The following TNIK variants were observed in gnomAD, a reference collection of about 807,000 sequenced individuals.
TNIK encodes TRAF2 and NCK interacting kinase, also known as TRAF2 and NCK-interacting protein kinase.
Under a neutral mutation model 191.3 loss-of-function variants are expected in TNIK, and 49 were observed. That is an observed-to-expected ratio of 0.26 (90% CI 0.20 to 0.32). TNIK has a LOEUF of 0.32. TNIK is among the 10% of genes least tolerant of loss of function. The pLI is 1.00. For synonymous variants in TNIK, 594 were observed against 600.9 expected, an observed-to-expected ratio of 0.99 and a Z score of 0.17; for missense variants, 1,155 against 1,702.3, an observed-to-expected ratio of 0.68 and a Z score of 5.66.
chr3:171,114,788 CTA>C (rs564867115), intron 18 of TNIK, among the ~76,000 whole-genome samples: 124 of 152,226 alleles, frequency 8.1e-4, no homozygotes, highest in Middle Eastern at 6.8e-3. Flanking sequence ...TGTGAAGTAA[CTA>C]TTTTTATGAC....
chr3:171,135,547 G>A (rs575175089), intron 15 of TNIK, among the ~76,000 whole-genome samples: 17 of 152,306 alleles, frequency 1.1e-4, no homozygotes, highest in Admixed American at 5.2e-4. Flanking sequence ...AACAGACAAC[G>A]GTTAGTTGGA....
At chr3:171,129,832 C>CT (rs1024263005) in intron 15 of TNIK, among the ~76,000 whole-genome samples, 1 of 152,200 alleles carries the variant, frequency 6.6e-6, no homozygotes, top group Non-Finnish European at 1.5e-5. Flanking sequence ...TAAAGAGAAA[C>CT]TTAGATAAAC....
intron 7 of TNIK, among the ~76,000 whole-genome samples, chr3:171,181,564 A>G (rs998965176): frequency 3.3e-5 from 5 of 152,238 alleles, no homozygotes; most frequent in Admixed American, 2.6e-4. Flanking sequence ...CTCCAATGAG[A>G]CATAAGCAAA....
intron 2 of TNIK, among the ~76,000 whole-genome samples, chr3:171,343,146 C>T (rs959602723): frequency 9.9e-5 from 15 of 152,130 alleles, no homozygotes; most frequent in Non-Finnish European, 1.8e-4. Context: ...AGTCTAACTC[C>T]CCACTTCTTA....
chr3:171,347,232 A>AG (rs1330531245), intron 2 of TNIK: 3 of 1,526,528 alleles, frequency 2.0e-6, no homozygotes, highest in East Asian at 2.4e-5. Context: ...AAAAAAAAAA[A>AG]AAAAGAAAAG....
chr3:171,125,974 T>C lies in TNIK; in HGVS notation c.1951A>G (p.Thr651Ala). The C allele has an allele frequency of 6.2e-7, 1 of 1,613,542 alleles. No individual in the cohort carries two copies. Among genetic ancestry groups the C allele is most frequent in the East Asian group, 2.2e-5 (1 of 44,860 alleles). The change falls in exon 17 of 33, where the codon ACT becomes GCT. Residue 651 changes from threonine (T) to alanine (A), a missense_variant. Thr to Ala is a moderately conservative substitution (Grantham distance 58). This residue lies in a region of TNIK where 735 missense variants were observed against 848.0 expected (regional missense o/e 0.87). Coordinates refer to ENST00000436636, the MANE Select transcript of TNIK (RefSeq NM_015028.4). The stretch of plus-strand genomic sequence containing the variant: ...CTTCGGTCAAACTTTTCAATGCGAG[T>C]GGGGAGAGGAGGATTTTCCGAGGTG... ...DPTSENPPLP[T>A]RIEKFDRSSW...
At chr3:171,098,486 C>T (rs757819276) in intron 22 of TNIK, among the ~76,000 whole-genome samples, 2 of 152,140 alleles carry the variant, frequency 1.3e-5, no homozygotes, top group Non-Finnish European at 2.9e-5. Flanking sequence ...TTGGGGAATA[C>T]AAACTTAGTT....
chr3:171,177,776 A>C (rs1736135381), intron 7 of TNIK, among the ~76,000 whole-genome samples: 1 of 152,188 alleles, frequency 6.6e-6, no homozygotes, highest in South Asian at 2.1e-4. Flanking sequence ...TCCTCCTGTG[A>C]ACACATCATC....
At chr3:171,170,896 G>GA (rs1348132937) in intron 9 of TNIK, among the ~76,000 whole-genome samples, 1 of 151,976 alleles carries the variant, frequency 6.6e-6, no homozygotes, top group African/African-American at 2.4e-5. Context: ...ATAAACAATA[G>GA]AAAAAAGTAG....
intron 2 of TNIK, among the ~76,000 whole-genome samples, chr3:171,351,676 C>CAA (rs1167906156): frequency 6.6e-6 from 1 of 152,094 alleles, no homozygotes; most frequent in Non-Finnish European, 1.5e-5. Flanking sequence ...CCAAATGTTG[C>CAA]AAATCTTCAT....
At chr3:171,333,084 G>T (rs1253307061) in intron 2 of TNIK, among the ~76,000 whole-genome samples, 1 of 152,126 alleles carries the variant, frequency 6.6e-6, no homozygotes, top group Non-Finnish European at 1.5e-5. Flanking sequence ...TTAGGGAAGA[G>T]GCCCCAGTTG....
chr3:171,365,158 A>ATT (rs1715515509), intron 2 of TNIK, among the ~76,000 whole-genome samples: 3 of 51,590 alleles, frequency 5.8e-5, no homozygotes, highest in Admixed American at 2.7e-4. Context: ...AAAGGACTAC[A>ATT]TTCTTTTTTT....
intron 4 of TNIK, among the ~76,000 whole-genome samples, chr3:171,195,062 G>A (rs1738526169): frequency 6.6e-6 from 1 of 152,118 alleles, no homozygotes; most frequent in Non-Finnish European, 1.5e-5. Flanking sequence ...TTATGTTACT[G>A]GTTTGTAAGT....
chr3:171,377,122 A>T (rs1717371817), intron 1 of TNIK, among the ~76,000 whole-genome samples: 1 of 152,178 alleles, frequency 6.6e-6, no homozygotes, highest in South Asian at 2.1e-4. Flanking sequence ...TCCAGGACAC[A>T]AACTGCTCCG....
At chr3:171,175,438 C>T (rs754463453) in intron 8 of TNIK, 108 bp from the exon 9 acceptor site, 3 of 806,116 alleles carry the variant, frequency 3.7e-6, no homozygotes, top group Non-Finnish European at 2.0e-6. Context: ...TCAGTTTACA[C>T]ACCACCAGTG....
Position 171,063,534 on chromosome 3 carries a change from A to AGG in TNIK, c.*345_*346dup, listed in dbSNP as rs962034484. On this transcript the variant is annotated 3_prime_UTR_variant, in exon 33 of 33. Transcript: ENST00000436636. ...TGCAGAGTAAAGGGGTAAAGAAAAA[A>AGG]GGTAAAAACCTGAAAACCCACCATA... 1.7e-5 allele frequency: 3 copies of AGG among 179,546 alleles called. No homozygotes were observed. The highest frequency in any genetic ancestry group is 3.5e-5 in the Non-Finnish European group (3 of 86,238). The allele number at this position is 179,546 out of a possible 1,614,324, so 11.1% of individuals were successfully genotyped here. A position where few individuals can be genotyped will look rare whatever the true frequency, so the allele number is the denominator to read the frequency against.
chr3:171,439,817 T>C (rs1395108511), intron 1 of TNIK, among the ~76,000 whole-genome samples: 4 of 152,210 alleles, frequency 2.6e-5, no homozygotes, highest in Admixed American at 1.3e-4. Context: ...AAGGCCAGCA[T>C]GTGCCACTGG....
intron 1 of TNIK, among the ~76,000 whole-genome samples, chr3:171,405,508 TAA>T (rs10635709): frequency 2.8e-4 from 40 of 144,400 alleles, no homozygotes; most frequent in East Asian, 8.0e-4. Context: ...CCAAATCTGG[TAA>T]AAAAAAAAAA....
chr3:171,184,499 G>A (rs1044685312), intron 7 of TNIK, among the ~76,000 whole-genome samples: 1 of 152,200 alleles, frequency 6.6e-6, no homozygotes, highest in African/African-American at 2.4e-5. Flanking sequence ...GGTGTGAACA[G>A]AGAGCCACAG....
Sources: allele counts gnomAD v4.1 joint callset (sites outside exome capture counted in the v4.1 genomes callset), GRCh38; gene constraint gnomAD v4.1.1; regional missense constraint gnomAD v4.1.1; transcripts MANE v1.5; gene names NCBI Gene and HGNC (gene_info 2026-07-23, HGNC 2026-07-21).